Variants in CCDC171 observed in about 807,000 individuals in gnomAD.
CCDC171 encodes the protein coiled-coil domain containing 171.
Under a neutral mutation model 168.2 loss-of-function variants are expected in CCDC171, and 177 were observed. The ratio of observed to expected loss-of-function variants is 1.05; its 90% CI spans 0.93 to 1.19. The LOEUF is 1.19. Among genes scored for constraint, CCDC171 ranks in the 50% most tolerant of loss-of-function variants. CCDC171 has a pLI of 0.00. For synonymous variants in CCDC171, 687 were observed against 540.8 expected (o/e 1.27, Z -3.75); for missense variants, 1,991 against 1,539.0 (o/e 1.29, Z -4.91).
chr9:16,089,742 A>T, the CCDC171 span, among the ~76,000 whole-genome samples: 1 of 151,788 alleles, frequency 6.6e-6, no homozygotes, highest in African/African-American at 2.4e-5. Context: ...TTACAAGAAA[A>T]AAAAAACCCA....
At chr9:15,614,423 A>G (rs758846008) in intron 6 of CCDC171, among the ~76,000 whole-genome samples, 19 of 152,226 alleles carry the variant, frequency 1.2e-4, no homozygotes, top group Non-Finnish European at 2.5e-4. Context: ...AAAATGCCAC[A>G]TATCTCACTA....
At chr9:15,580,117 G>A (rs2040994809) in intron 4 of CCDC171, among the ~76,000 whole-genome samples, 1 of 152,124 alleles carries the variant, frequency 6.6e-6, no homozygotes, top group South Asian at 2.1e-4. Flanking sequence ...CATAAAGTGG[G>A]GAAAGGACAC....
At chr9:15,860,922 C>T (rs186520251) in intron 23 of CCDC171, among the ~76,000 whole-genome samples, 1 of 80,118 alleles carries the variant, frequency 1.2e-5, no homozygotes, top group Non-Finnish European at 2.5e-5. Context: ...TATTTAGGTG[C>T]TCTGTTGTTA....
chr9:15,658,107 G>T (rs901288788), intron 8 of CCDC171, among the ~76,000 whole-genome samples: 2 of 152,180 alleles, frequency 1.3e-5, no homozygotes, highest in African/African-American at 4.8e-5. Context: ...CTGAACAACT[G>T]CTTGGATAAA....
chr9:15,799,135 CATATATATATATAT>C lies in CCDC171; in HGVS notation c.3267+14459_3267+14472del, dbSNP rs57651824. On this transcript the variant is annotated intron_variant, in intron 21 of 25. Coordinates refer to ENST00000380701, the MANE Select transcript of CCDC171 (RefSeq NM_173550.4). ...GAAAACAATTGTCTTTCATCATTGC[CATATATATATATAT>C]ATATATATATATATATACCATTTTG... Among the ~76,000 whole-genome samples, 99 of 109,026 alleles carry C rather than the reference CATATATATATATAT, an allele frequency of 9.1e-4. 5 individuals are homozygous for C. Among genetic ancestry groups the C allele is most frequent in the African/African-American group, 2.9e-3 (85 of 28,838 alleles). The allele number at this position is 109,026 out of a possible 152,430, so 71.5% of individuals were successfully genotyped here.
rs989815980 is a variant in CCDC171 at position 15,602,527 on chromosome 9, T to C, written c.675+8355T>C. ...CCATATTCTTTTTCTTTCTTGGAGA[T>C]TGGAGCACTAAATAGAGGTGTCCTT... On this transcript the variant is annotated intron_variant, in intron 6 of 25. Transcript: ENST00000380701. 4.6e-5 allele frequency among the ~76,000 whole-genome samples: 7 copies of C among 152,096 alleles called. No homozygotes were observed. In the East Asian group the frequency reaches 1.3e-3, roughly 29 times the overall value.
intron 3 of CCDC171, among the ~76,000 whole-genome samples, chr9:15,981,414 C>T (rs114517702): frequency 0.026 from 3,905 of 152,214 alleles, 148 homozygotes; most frequent in African/African-American, 0.087. Flanking sequence ...TTTGGACTTC[C>T]CAGCCTCCTG....
intron 25 of CCDC171, among the ~76,000 whole-genome samples, chr9:15,939,892 C>T (rs990471887): frequency 6.6e-6 from 1 of 151,704 alleles, no homozygotes; most frequent in Admixed American, 6.6e-5. Context: ...ATTACATACT[C>T]AAGGCAAAAA....
intron 11 of CCDC171, among the ~76,000 whole-genome samples, chr9:15,699,292 G>T (rs1236084669): frequency 6.6e-6 from 1 of 152,234 alleles, no homozygotes; most frequent in South Asian, 2.1e-4. Context: ...CGCTGGCTCA[G>T]GAGTGAAGCT....
At chr9:15,749,490 A>T (rs2055561328) in intron 18 of CCDC171, among the ~76,000 whole-genome samples, 1 of 152,088 alleles carries the variant, frequency 6.6e-6, no homozygotes, top group African/African-American at 2.4e-5. Flanking sequence ...CATCTACAGA[A>T]CTCTCCACCC....
At position 15,623,408 on chromosome 9, in the gene CCDC171, T is replaced by A; in HGVS notation, c.817T>A (p.Phe273Ile). Residue 273 changes from phenylalanine (F) to isoleucine (I), a missense_variant, in exon 7 of 26, where the codon TTT (phenylalanine) becomes ATT (isoleucine). By Grantham distance (21) the Phe-to-Ile change is conservative (BLOSUM62 0). Transcript: ENST00000380701. ...TQREERLRKE[F>I]EATTLRVRKL... ...ACGAGAGGAACGCCTTAGAAAAGAA[T>A]TTGAGGTACATTTTCTCATTCCTTT... 1 of 1,605,842 alleles carries A rather than the reference T, an allele frequency of 6.2e-7. No homozygotes were observed. The highest frequency in any genetic ancestry group is 8.5e-7 in the Non-Finnish European group (1 of 1,176,104).
intron 11 of CCDC171, among the ~76,000 whole-genome samples, chr9:15,710,650 C>T (rs905856598): frequency 2.0e-5 from 3 of 150,644 alleles, no homozygotes; most frequent in Non-Finnish European, 4.4e-5. Flanking sequence ...GGCTGGAGTA[C>T]GGTGGCACAA....
At chr9:15,917,802 G>C (rs1824737613) in intron 24 of CCDC171, among the ~76,000 whole-genome samples, 2 of 151,546 alleles carry the variant, frequency 1.3e-5, no homozygotes, top group Admixed American at 1.3e-4. Flanking sequence ...AATAATCCAG[G>C]AGCCTATTAC....
At chr9:15,906,221 A>G (rs1563976103) in intron 24 of CCDC171, among the ~76,000 whole-genome samples, 1 of 152,180 alleles carries the variant, frequency 6.6e-6, no homozygotes, top group Non-Finnish European at 1.5e-5. Context: ...ACACAACCCA[A>G]AAAGAGAATT....
At chr9:15,630,218 A>G (rs1159836991) in intron 7 of CCDC171, among the ~76,000 whole-genome samples, 4 of 152,242 alleles carry the variant, frequency 2.6e-5, no homozygotes, top group Non-Finnish European at 5.9e-5. Flanking sequence ...CTCCAATTAA[A>G]AGACACAGAC....
At chr9:15,949,622 A>T (rs1334901032) in intron 25 of CCDC171, among the ~76,000 whole-genome samples, 1 of 152,212 alleles carries the variant, frequency 6.6e-6, no homozygotes, top group East Asian at 1.9e-4. Context: ...TTATTGGTGT[A>T]TAAGAATGCT....
chr9:15,924,972 C>CT (rs1825738564), intron 25 of CCDC171, among the ~76,000 whole-genome samples: 1 of 151,494 alleles, frequency 6.6e-6, no homozygotes, highest in African/African-American at 2.4e-5. Flanking sequence ...TGTGCTCGGC[C>CT]TTCTTTGTAT....
chr9:15,737,822 G>A (rs1277497440), intron 16 of CCDC171, among the ~76,000 whole-genome samples: 1 of 152,106 alleles, frequency 6.6e-6, no homozygotes, highest in Non-Finnish European at 1.5e-5. Context: ...AGGATTGCTA[G>A]ATCATATGAT....
chr9:15,630,792 G>A (rs975060563), intron 7 of CCDC171, among the ~76,000 whole-genome samples: 7 of 152,174 alleles, frequency 4.6e-5, no homozygotes, highest in Admixed American at 3.9e-4. Context: ...CTCAGCAAAT[G>A]TAAAAGATGA....
Sources: allele counts gnomAD v4.1 joint callset (sites outside exome capture counted in the v4.1 genomes callset), GRCh38; gene constraint gnomAD v4.1.1; transcripts MANE v1.5; gene names NCBI Gene and HGNC (gene_info 2026-07-23, HGNC 2026-07-21).